Variants in ELK3 observed in about 807,000 individuals in gnomAD.
ELK3 encodes ETS domain-containing protein Elk-3.
A neutral mutation model predicts 28.9 loss-of-function variants in ELK3; 10 were observed. The ratio of observed to expected loss-of-function variants is 0.35; its 90% CI spans 0.21 to 0.59. The LOEUF is 0.59. Ranked by LOEUF, ELK3 falls within the 20% of genes least tolerant of loss-of-function variation. ELK3 has a pLI of 0.82. For missense variants in ELK3, 463 were observed against 517.3 expected, an observed-to-expected ratio of 0.90 and a Z score of 1.02; for synonymous variants, 272 against 243.5, an observed-to-expected ratio of 1.12 and a Z score of -1.09.
At chr12:96,241,696 C>T (rs1344579702) in intron 2 of ELK3, among the ~76,000 whole-genome samples, 3 of 152,192 alleles carry the variant, frequency 2.0e-5, no homozygotes, top group East Asian at 1.9e-4. Context: ...AAGGGTTCTT[C>T]TGCACAGGTC....
In ELK3 at chr12:96,269,046, A is replaced by G. The variant is rs1952064924; in HGVS notation, c.*1866A>G. 1 of 152,014 alleles carries G rather than the reference A, an allele frequency of 6.6e-6. No individual in the cohort carries two copies. The highest frequency in any genetic ancestry group is 2.1e-4 in the South Asian group (1 of 4,820). 9.4% of individuals were successfully genotyped at this position (152,014 alleles called of 1,614,324 possible). A position where few individuals can be genotyped will look rare whatever the true frequency, so the allele number is the denominator to read the frequency against. ...TTAGTGCTAGAAGGGGCCTTTGAGA[A>G]TGCTTCCCGCCACCTGTTTCCAGCT... On this transcript the variant is annotated 3_prime_UTR_variant, in exon 5 of 5. Coordinates refer to ENST00000228741, the MANE Select transcript of ELK3 (RefSeq NM_005230.4).
chr12:96,227,852 A>G (rs1336397519), intron 2 of ELK3, among the ~76,000 whole-genome samples: 1 of 152,090 alleles, frequency 6.6e-6, no homozygotes, highest in Non-Finnish European at 1.5e-5. Flanking sequence ...GTATAATAGT[A>G]GAGTCTACAC....
chr12:96,264,032 G>GC (rs1952012210), intron 4 of ELK3, among the ~76,000 whole-genome samples: 1 of 152,034 alleles, frequency 6.6e-6, no homozygotes, highest in African/African-American at 2.4e-5. Context: ...GCTGGAGTGC[G>GC]GTGGCACAAT....
chr12:96,237,223 T>C (rs935687804), intron 2 of ELK3, among the ~76,000 whole-genome samples: 7 of 152,200 alleles, frequency 4.6e-5, no homozygotes, highest in African/African-American at 7.2e-5. Flanking sequence ...TGGGGGAAGA[T>C]TGCCTTGGTG....
chr12:96,237,884 G>C (rs1178101191), intron 2 of ELK3, among the ~76,000 whole-genome samples: 1 of 152,250 alleles, frequency 6.6e-6, no homozygotes, highest in Admixed American at 6.5e-5. Flanking sequence ...AGGACACTTC[G>C]GGTTTCATGT....
intron 2 of ELK3, among the ~76,000 whole-genome samples, chr12:96,242,316 A>C (rs539066856): frequency 1.3e-5 from 2 of 152,254 alleles, no homozygotes; most frequent in Non-Finnish European, 2.9e-5. Flanking sequence ...AGCTTCCAAC[A>C]GTGTATAATT....
At chr12:96,223,866 A>C in intron 2 of ELK3, 93 bp downstream of exon 2, 2 of 1,303,098 alleles carry the variant, frequency 1.5e-6, no homozygotes, top group Non-Finnish European at 2.2e-6. Flanking sequence ...CGTGCTATGA[A>C]TCAAGTTAGA....
chr12:96,241,874 C>G (rs1951823798), intron 2 of ELK3, among the ~76,000 whole-genome samples: 1 of 152,212 alleles, frequency 6.6e-6, no homozygotes, highest in Non-Finnish European at 1.5e-5. Context: ...TTTCCTCTCA[C>G]TAAAATTGGT....
chr12:96,250,704 A>G (rs1349513438), intron 3 of ELK3, among the ~76,000 whole-genome samples: 1 of 151,594 alleles, frequency 6.6e-6, no homozygotes, highest in Non-Finnish European at 1.5e-5. Context: ...TGTCACAGAA[A>G]CTCTCCTTTT....
intron 2 of ELK3, among the ~76,000 whole-genome samples, chr12:96,244,985 G>A (rs975064016): frequency 3.3e-5 from 5 of 152,104 alleles, no homozygotes; most frequent in African/African-American, 7.2e-5. Context: ...ATGAGACCCC[G>A]CGGGTTAAGT....
At position 96,267,208 on chromosome 12, in the gene ELK3, T is replaced by TTAAC. The variant is rs1952040611; in HGVS notation, c.*30_*33dup. On this transcript the variant is annotated 3_prime_UTR_variant, in exon 5 of 5. Transcript: ENST00000228741. ...ACGTCTGGCCACAATTAAGGACTCA[T>TTAAC]TAACTGATGAAACAAATTTGTCCCC... 6.3e-7 allele frequency: 1 copy of TTAAC among 1,593,934 alleles called. No individual in the cohort carries two copies. Among genetic ancestry groups the TTAAC allele is most frequent in the Non-Finnish European group, 8.6e-7 (1 of 1,168,528 alleles).
chr12:96,212,721 A>G (rs1484810331), intron 1 of ELK3: 1 of 152,192 alleles, frequency 6.6e-6, no homozygotes, highest in Non-Finnish European at 1.5e-5. Context: ...TGATGTTTTC[A>G]AAGAAGAGAT....
At chr12:96,246,115 C>G (rs571651147) in intron 2 of ELK3, among the ~76,000 whole-genome samples, 2 of 152,204 alleles carry the variant, frequency 1.3e-5, no homozygotes, top group African/African-American at 2.4e-5. Flanking sequence ...TTCCAGCTTA[C>G]AGAATGCTTT....
intron 3 of ELK3, among the ~76,000 whole-genome samples, chr12:96,248,933 G>C (rs974611789): frequency 2.0e-5 from 3 of 152,192 alleles, no homozygotes; most frequent in Admixed American, 1.3e-4. Context: ...CATGATACTT[G>C]CCAGTTGAAT....
At chr12:96,224,704 CTTAA>C (rs1041915284) in intron 2 of ELK3, among the ~76,000 whole-genome samples, 4 of 152,148 alleles carry the variant, frequency 2.6e-5, no homozygotes, top group Admixed American at 1.3e-4. Flanking sequence ...CATTTCAGGC[CTTAA>C]TTGTTAGCCA....
In ELK3 at chr12:96,242,808, C is replaced by T. The variant is rs555918769; in HGVS notation, c.208-4132C>T. Among the ~76,000 whole-genome samples the T allele has an allele frequency of 5.3e-5, 8 of 152,320 alleles. No homozygotes were observed. In the South Asian group the frequency reaches 1.5e-3, roughly 28 times the overall value. On this transcript the variant is annotated intron_variant, in intron 2 of 4. Transcript: ENST00000228741. ...CCTCCCAGTTCCACTCTTTAGCCTT[C>T]GACCCTGGCAGGTTTCCAGGTAGCC...
chr12:96,241,903 A>T (rs1235015078), intron 2 of ELK3, among the ~76,000 whole-genome samples: 2 of 152,248 alleles, frequency 1.3e-5, no homozygotes, highest in African/African-American at 4.8e-5. Context: ...TGCTGCCCGT[A>T]ACCTCACATG....
intron 4 of ELK3, among the ~76,000 whole-genome samples, chr12:96,262,674 A>C (rs1341287390): frequency 6.6e-6 from 1 of 152,226 alleles, no homozygotes; most frequent in Non-Finnish European, 1.5e-5. Flanking sequence ...GTATGGCAAA[A>C]GTTGAAAATA....
intron 1 of ELK3, among the ~76,000 whole-genome samples, chr12:96,209,204 G>A (rs1951559826): frequency 6.6e-6 from 1 of 152,218 alleles, no homozygotes; most frequent in Non-Finnish European, 1.5e-5. Flanking sequence ...GAGTTTGAGA[G>A]AGGAGCTAAC....
Sources: allele counts gnomAD v4.1 joint callset (sites outside exome capture counted in the v4.1 genomes callset), GRCh38; gene constraint gnomAD v4.1.1; transcripts MANE v1.5; gene names NCBI Gene and HGNC (gene_info 2026-07-23, HGNC 2026-07-21).